BEND3: variants seen among roughly 807,000 people sequenced by gnomAD.
BEND3 encodes BEN domain-containing protein 3.
A neutral mutation model predicts 60.1 loss-of-function variants in BEND3; 13 were observed. That is an observed-to-expected ratio of 0.22 (90% confidence interval 0.14 to 0.34). The LOEUF (loss-of-function observed/expected upper bound fraction) is 0.34, where lower values mean the gene tolerates loss of function less well. Ranked by LOEUF, BEND3 falls within the 10% of genes least tolerant of loss-of-function variation. The pLI, the probability that BEND3 is intolerant of heterozygous loss-of-function variation, is 1.00. For missense variants in BEND3, 896 were observed against 1,138.1 expected (o/e 0.79, Z 3.06); for synonymous variants, 497 against 491.5 (o/e 1.01, Z -0.15).
At position 107,068,329 on chromosome 6, in the gene BEND3, A is replaced by C. The variant is rs781953679; in HGVS notation, c.*375T>G. The C allele has an allele frequency of 4.6e-5, 8 of 174,656 alleles. No homozygotes were observed. The highest frequency in any genetic ancestry group is 9.5e-5 in the Non-Finnish European group (8 of 83,920). 10.8% of individuals were successfully genotyped at this position (174,656 alleles called of 1,614,324 possible). ...TTAAAAAAAAATGGGTCAAAATGGA[A>C]GATGTAAAATATGGGAAGAGGGGCA... On this transcript the variant is annotated 3_prime_UTR_variant, in exon 4 of 4. Transcript: ENST00000369042. This position sits in a 1 kb window ranked among gnomAD's most constrained non-coding sequence, Gnocchi z 5.8.
At chr6:107,090,416 GAGAA>G (rs1175471948) in intron 3 of BEND3, among the ~76,000 whole-genome samples, 2 of 152,112 alleles carry the variant, frequency 1.3e-5, no homozygotes, top group Admixed American at 1.3e-4. Context: ...TTTCTTCAGA[GAGAA>G]AGAAAATGTC....
chr6:107,098,256 C>T (rs751145964), intron 3 of BEND3, among the ~76,000 whole-genome samples: 4 of 152,206 alleles, frequency 2.6e-5, no homozygotes, highest in East Asian at 3.8e-4. Context: ...TTACGTTAAC[C>T]GTCCTCACTA....
At chr6:107,083,489 T>A (rs1775274528) in intron 3 of BEND3, among the ~76,000 whole-genome samples, 1 of 151,700 alleles carries the variant, frequency 6.6e-6, no homozygotes, top group South Asian at 2.1e-4. Flanking sequence ...AAAACAAAAT[T>A]ACCCAGTTGT....
intron 3 of BEND3, among the ~76,000 whole-genome samples, chr6:107,085,651 C>T (rs1264856768): frequency 6.6e-6 from 1 of 151,888 alleles, no homozygotes; most frequent in Non-Finnish European, 1.5e-5. Context: ...GCCACCACGC[C>T]TGACTAATTT....
chr6:107,084,890 A>C (rs1775308993), intron 3 of BEND3, among the ~76,000 whole-genome samples: 3 of 152,238 alleles, frequency 2.0e-5, no homozygotes, highest in Admixed American at 1.3e-4. Flanking sequence ...CAAATAAGGG[A>C]ATAAAAGCTG....
intron 1 of BEND3, chr6:107,114,285 G>A (rs1282485937): frequency 6.6e-6 from 1 of 152,170 alleles, no homozygotes; most frequent in Non-Finnish European, 1.5e-5. Flanking sequence ...CCAGGCTTCA[G>A]CTTTGCGGCC....
At chr6:107,113,150 C>CT (rs1419559729) in intron 1 of BEND3, among the ~76,000 whole-genome samples, 33 of 135,654 alleles carry the variant, frequency 2.4e-4, no homozygotes, top group African/African-American at 8.9e-4. Context: ...GAGCGAGACT[C>CT]TGTCTAAAAA....
rs148692311 is a variant in BEND3, at chr6:107,081,283, C to T, written c.241-10333G>A. Among the ~76,000 whole-genome samples the T allele has an allele frequency of 3.6e-3, 539 of 149,296 alleles. 13 individuals carry two copies. The East Asian group carries it at 0.06, about 17-fold the overall frequency. On this transcript the variant is annotated intron_variant, in intron 3 of 3. Coordinates refer to ENST00000369042, the MANE Select transcript of BEND3 (RefSeq NM_001367314.1). ...TCACTCAGGCTAGAGTGCAGTGGCG[C>T]GATCTCAGCTCACTACAACCTCCAC...
intron 3 of BEND3, among the ~76,000 whole-genome samples, chr6:107,084,743 G>A (rs923886778): frequency 2.6e-5 from 4 of 152,242 alleles, no homozygotes; most frequent in African/African-American, 7.2e-5. Flanking sequence ...CTGTAAAAAC[G>A]CATCAATCAG....
At chr6:107,071,540 C>T (rs1554232082) in intron 3 of BEND3, among the ~76,000 whole-genome samples, 1 of 152,140 alleles carries the variant, frequency 6.6e-6, no homozygotes, top group Non-Finnish European at 1.5e-5. Flanking sequence ...CTGTCTGATG[C>T]CAACTCCACC....
At chr6:107,113,437 C>CAAAAAAAAAA (rs1158122732) in intron 1 of BEND3, among the ~76,000 whole-genome samples, 2 of 13,062 alleles carry the variant, frequency 1.5e-4, no homozygotes, top group East Asian at 2.6e-3. Context: ...GACTCCGTCT[C>CAAAAAAAAAA]AAAAAAAAAA....
chr6:107,100,195 T>C (rs967092927), intron 1 of BEND3, among the ~76,000 whole-genome samples: 1 of 151,858 alleles, frequency 6.6e-6, no homozygotes, highest in Non-Finnish European at 1.5e-5. Context: ...ATTGATTACA[T>C]GTTGAAATGA....
chr6:107,112,856 G>GAAA (rs1201523509), intron 1 of BEND3, among the ~76,000 whole-genome samples: 12 of 80,110 alleles, frequency 1.5e-4, no homozygotes, highest in African/African-American at 5.4e-4. Context: ...TCTGTCTCAA[G>GAAA]AAAAAAAAAA....
intron 1 of BEND3, chr6:107,114,354 G>A (rs1770210511): frequency 6.6e-6 from 1 of 152,106 alleles, no homozygotes; most frequent in Non-Finnish European, 1.5e-5. Context: ...CCCGCCTCCA[G>A]CTCCTGGGCA....
chr6:107,072,799 A>G (rs1554232237), intron 3 of BEND3, among the ~76,000 whole-genome samples: 1 of 152,172 alleles, frequency 6.6e-6, no homozygotes. Flanking sequence ...CCTGGGGAAC[A>G]TGGCGAAACA....
In BEND3 at chr6:107,066,356, G is replaced by A. The variant is rs1267820152; in HGVS notation, c.*2348C>T. 1.3e-5 allele frequency: 2 copies of A among 152,506 alleles called. No homozygotes were observed. Among genetic ancestry groups the A allele is most frequent in the South Asian group, 4.1e-4 (2 of 4,834 alleles). The allele number at this position is 152,506 out of a possible 1,614,324, so 9.4% of individuals were successfully genotyped here. ...CGTTTCCTGACGACAGTCCAGAGAT[G>A]GTGAGAGTTCCCACGTGTGTCCACT... On this transcript the variant is annotated 3_prime_UTR_variant, in exon 4 of 4. Transcript: ENST00000369042.
chr6:107,095,878 G>A (rs1031709387), intron 3 of BEND3, among the ~76,000 whole-genome samples: 1 of 152,318 alleles, frequency 6.6e-6, no homozygotes, highest in Middle Eastern at 3.4e-3. Context: ...AGTGGTTGCT[G>A]GGGGTTATGT....
chr6:107,080,677 T>C (rs1006104653), intron 3 of BEND3, among the ~76,000 whole-genome samples: 1 of 151,474 alleles, frequency 6.6e-6, no homozygotes, highest in Non-Finnish European at 1.5e-5. Flanking sequence ...AGGTCAGGAG[T>C]TCGAGATCAG....
At chr6:107,104,165 C>T (rs1277339773) in intron 1 of BEND3, among the ~76,000 whole-genome samples, 3 of 151,476 alleles carry the variant, frequency 2.0e-5, no homozygotes, top group African/African-American at 7.3e-5. Context: ...TGGCGGGCGC[C>T]CATAGTCCCA....
Sources: allele counts gnomAD v4.1 joint callset (sites outside exome capture counted in the v4.1 genomes callset), GRCh38; gene constraint gnomAD v4.1.1; non-coding constraint Gnocchi (gnomAD v3.1); transcripts MANE v1.5; gene names NCBI Gene and HGNC (gene_info 2026-07-23, HGNC 2026-07-21).